XIRP2: variants seen among roughly 807,000 people sequenced by gnomAD.
XIRP2 encodes the protein xin actin binding repeat containing 2.
Under a neutral mutation model 277.0 loss-of-function variants are expected in XIRP2, and 236 were observed. That is an observed-to-expected ratio of 0.85 (90% CI 0.77 to 0.95). XIRP2 has a LOEUF of 0.95. XIRP2 is among the 40% of genes least tolerant of loss of function. The pLI is 0.00. For missense variants in XIRP2, 4,640 were observed against 4,157.5 expected, an observed-to-expected ratio of 1.12 and a Z score of -3.19; for synonymous variants, 1,490 against 1,416.5, an observed-to-expected ratio of 1.05 and a Z score of -1.17.
At position 167,245,754 on chromosome 2, in the gene XIRP2, G is replaced by T; in HGVS notation, c.4362G>T (p.Trp1454Cys). ...AGGGCAATGTTAAAACATCTACTTG[G>T]CTATTTGAAACCCACACTATGGATG... The part of the protein sequence containing the change: ...IQKGNVKTST[W>C]LFETHTMDEL... Residue 1454 changes from tryptophan to cysteine, a missense_variant, in exon 9 of 11, where the codon TGG becomes TGT. Trp to Cys is a radical substitution (Grantham distance 215). Transcript: ENST00000409195. The T allele has an allele frequency of 6.2e-7, 1 of 1,613,682 alleles. No individual in the cohort carries two copies. Among genetic ancestry groups the T allele is most frequent in the Non-Finnish European group, 8.5e-7 (1 of 1,179,752 alleles).
intron 2 of XIRP2, among the ~76,000 whole-genome samples, chr2:167,061,336 T>G (rs747122097): frequency 6.6e-6 from 1 of 152,184 alleles, no homozygotes; most frequent in Non-Finnish European, 1.5e-5. Context: ...TGTATTTCTT[T>G]TATTTCTTTG....
intron 2 of XIRP2, among the ~76,000 whole-genome samples, chr2:167,106,644 TA>T: frequency 6.6e-6 from 1 of 151,802 alleles, no homozygotes; most frequent in East Asian, 1.9e-4. Context: ...CTTTATTTTT[TA>T]CAAAAAAAGT....
At chr2:167,056,092 A>T (rs777852589) in intron 2 of XIRP2, among the ~76,000 whole-genome samples, 1 of 152,190 alleles carries the variant, frequency 6.6e-6, no homozygotes, top group Non-Finnish European at 1.5e-5. Context: ...AATAAAAAGT[A>T]GACCAGTTCC....
At chr2:167,186,045 A>G (rs1055232926) in intron 3 of XIRP2, among the ~76,000 whole-genome samples, 1 of 152,214 alleles carries the variant, frequency 6.6e-6, no homozygotes, top group African/African-American at 2.4e-5. Context: ...CTGCACTAAT[A>G]CATAGCTACT....
chr2:167,253,845 C>G (rs117517832), intron 9 of XIRP2, among the ~76,000 whole-genome samples, 187 bp from the exon 10 acceptor site: 4,637 of 151,772 alleles, frequency 0.031, 99 homozygotes, highest in East Asian at 0.1. Context: ...TAATGTAGAC[C>G]ATCCTAGCAG....
chr2:167,259,127 T>G lies in XIRP2; in HGVS notation c.*1310T>G. ...CATTTTCAATTGTGATTTAATAGAT[T>G]CTGTAGATCAAATTAAAAATATGCC... On this transcript the variant is annotated 3_prime_UTR_variant, in exon 11 of 11. Coordinates refer to ENST00000409195, the MANE Select transcript of XIRP2 (RefSeq NM_152381.6). 1 of 1,612,360 alleles carries G rather than the reference T, an allele frequency of 6.2e-7. No individual in the cohort carries two copies. The highest frequency in any genetic ancestry group is 1.1e-5 in the South Asian group (1 of 90,950).
At chr2:166,889,801 A>G (rs1168577751) in intron 1 of XIRP2, 1 of 113,282 alleles carries the variant, frequency 8.8e-6, no homozygotes, top group African/African-American at 2.7e-5. Context: ...CATTTTCTTC[A>G]TTTTCATTCT....
chr2:167,162,169 T>G (rs1173993406), intron 3 of XIRP2, among the ~76,000 whole-genome samples: 2 of 152,056 alleles, frequency 1.3e-5, no homozygotes, highest in Non-Finnish European at 2.9e-5. Flanking sequence ...CTCTAGGGAG[T>G]CCCAAACTTT....
At chr2:167,067,977 C>G (rs1275286149) in intron 2 of XIRP2, among the ~76,000 whole-genome samples, 1 of 152,174 alleles carries the variant, frequency 6.6e-6, no homozygotes, top group Non-Finnish European at 1.5e-5. Flanking sequence ...CCAAAATTCT[C>G]TTTTTGCTTC....
At chr2:167,074,457 T>C (rs986889315) in intron 2 of XIRP2, among the ~76,000 whole-genome samples, 1 of 152,208 alleles carries the variant, frequency 6.6e-6, no homozygotes, top group Non-Finnish European at 1.5e-5. Context: ...CATTATTTTA[T>C]GGAAAAAGTC....
chr2:167,064,541 G>A (rs1689254327), intron 2 of XIRP2, among the ~76,000 whole-genome samples: 1 of 151,578 alleles, frequency 6.6e-6, no homozygotes, highest in South Asian at 2.1e-4. Flanking sequence ...TGCCATCTTA[G>A]CCATCTTTTA....
chr2:167,100,302 G>T (rs549764714), intron 2 of XIRP2, among the ~76,000 whole-genome samples: 2 of 151,992 alleles, frequency 1.3e-5, no homozygotes, highest in African/African-American at 2.4e-5. Flanking sequence ...TCTTTGAAAA[G>T]GTTTACTTCT....
At chr2:166,983,135 A>G (rs185371738) in intron 2 of XIRP2, among the ~76,000 whole-genome samples, 1 of 152,278 alleles carries the variant, frequency 6.6e-6, no homozygotes, top group Non-Finnish European at 1.5e-5. Flanking sequence ...CTACTTGGCT[A>G]TAATCGAGGG....
At chr2:167,154,754 A>G (rs1189058480) in intron 3 of XIRP2, among the ~76,000 whole-genome samples, 1 of 152,094 alleles carries the variant, frequency 6.6e-6, no homozygotes, top group Non-Finnish European at 1.5e-5. Flanking sequence ...TCAGAGCAGA[A>G]CTGAAGGAAA....
chr2:167,014,461 G>A (rs767708823), intron 2 of XIRP2, among the ~76,000 whole-genome samples: 2 of 151,692 alleles, frequency 1.3e-5, no homozygotes, highest in Non-Finnish European at 2.9e-5. Flanking sequence ...GAAAGGGAAA[G>A]TTGTTAGAAA....
chr2:167,072,515 C>T (rs773496063), intron 2 of XIRP2, among the ~76,000 whole-genome samples: 7 of 152,150 alleles, frequency 4.6e-5, no homozygotes, highest in Non-Finnish European at 7.4e-5. Context: ...AATGATTACA[C>T]TTCCCTTATA....
At chr2:166,949,478 C>T (rs1685971165) in intron 2 of XIRP2, among the ~76,000 whole-genome samples, 1 of 152,062 alleles carries the variant, frequency 6.6e-6, no homozygotes, top group African/African-American at 2.4e-5. Context: ...TTTGTTGCAG[C>T]TACAAGGTGG....
At chr2:166,970,239 G>A (rs1180849914) in intron 2 of XIRP2, among the ~76,000 whole-genome samples, 2 of 151,896 alleles carry the variant, frequency 1.3e-5, no homozygotes, top group Non-Finnish European at 2.9e-5. Flanking sequence ...TCTTGTTGAG[G>A]GAGACATGAA....
intron 3 of XIRP2, among the ~76,000 whole-genome samples, chr2:167,201,831 TA>T (rs755033624): frequency 4.6e-5 from 7 of 152,164 alleles, no homozygotes; most frequent in Non-Finnish European, 8.8e-5. Flanking sequence ...TACCTTGAAA[TA>T]AAAATGTTAT....
Sources: gnomAD v4.1 joint callset for allele counts (sites outside exome capture counted in the v4.1 genomes callset) on GRCh38, gnomAD v4.1.1 for gene constraint, MANE v1.5 for transcripts, NCBI Gene and HGNC (gene_info 2026-07-23, HGNC 2026-07-21) for gene names.